The following PAK2 variants were observed in gnomAD, a reference collection of about 807,000 sequenced individuals.
The protein encoded by PAK2 is p21 (RAC1) activated kinase 2.
A neutral mutation model predicts 65.9 loss-of-function variants in PAK2; 21 were observed. The observed-to-expected ratio is 0.32, with a 90% confidence interval of 0.23 to 0.46. PAK2 has a LOEUF of 0.46. Among genes scored for constraint, PAK2 ranks in the 20% least tolerant of loss-of-function variants. PAK2 has a pLI of 1.00. For synonymous variants in PAK2, 204 were observed against 219.7 expected, an observed-to-expected ratio of 0.93 and a Z score of 0.63; for missense variants, 324 against 642.6, an observed-to-expected ratio of 0.50 and a Z score of 5.36.
At chr3:196,819,845 A>G (rs1054921079) in intron 12 of PAK2, among the ~76,000 whole-genome samples, 1 of 152,046 alleles carries the variant, frequency 6.6e-6, no homozygotes, top group Non-Finnish European at 1.5e-5. Flanking sequence ...TTTTATTCAA[A>G]AATAGTTTAC....
chr3:196,780,651 T>C (rs1714677105), intron 1 of PAK2, among the ~76,000 whole-genome samples: 1 of 152,198 alleles, frequency 6.6e-6, no homozygotes, highest in African/African-American at 2.4e-5. Flanking sequence ...CCTTTACCTT[T>C]TTTTATTCTT....
In PAK2 at chr3:196,829,970, G is replaced by C. The variant is rs1712014349; in HGVS notation, c.*1565G>C. ...CTTTATTCATTGTTTTGCTTTTGGA[G>C]TGGGTGTTGTTCAAGTATCTGTGGT... On this transcript the variant is annotated 3_prime_UTR_variant, in exon 15 of 15. Coordinates refer to ENST00000327134, the MANE Select transcript of PAK2 (RefSeq NM_002577.4). 1 of 151,122 alleles carries C rather than the reference G, an allele frequency of 6.6e-6. No homozygotes were observed. The highest frequency in any genetic ancestry group is 6.6e-5 in the Admixed American group (1 of 15,114). 9.4% of individuals were successfully genotyped at this position (151,122 alleles called of 1,614,324 possible). A position where few individuals can be genotyped will look rare whatever the true frequency, so the allele number is the denominator to read the frequency against.
At chr3:196,822,548 A>G (rs1032815290) in intron 13 of PAK2, among the ~76,000 whole-genome samples, 1 of 152,044 alleles carries the variant, frequency 6.6e-6, no homozygotes, top group Non-Finnish European at 1.5e-5. Context: ...AAATTAGCCA[A>G]GCATGTTAGT....
In PAK2 at chr3:196,761,751, C is replaced by A. The variant is rs1713973986; in HGVS notation, c.-21-20875C>A. Among the ~76,000 whole-genome samples the A allele has an allele frequency of 2.0e-5, 3 of 147,814 alleles. No individual in the cohort carries two copies. The South Asian group carries it at 6.5e-4, about 32-fold the overall frequency. ...GGGGCGGCCGGGCAGAGGCGCCCCTCACCTCCCGGACGGGGCGGCTGGCCG... is the reference window on the plus strand; with the variant it reads ...GGGGCGGCCGGGCAGAGGCGCCCCTAACCTCCCGGACGGGGCGGCTGGCCG... On this transcript the variant is annotated intron_variant, in intron 1 of 14. Coordinates refer to ENST00000327134, the MANE Select transcript of PAK2 (RefSeq NM_002577.4).
At chr3:196,808,557 C>CAAAA (rs1208200034) in intron 7 of PAK2, among the ~76,000 whole-genome samples, 2 of 56,566 alleles carry the variant, frequency 3.5e-5, no homozygotes, top group African/African-American at 1.3e-4. Flanking sequence ...GACTCCATCT[C>CAAAA]AAAAAAAAAA....
chr3:196,776,604 A>C (rs1265187348), intron 1 of PAK2, among the ~76,000 whole-genome samples: 1 of 152,178 alleles, frequency 6.6e-6, no homozygotes, highest in African/African-American at 2.4e-5. Context: ...TCAGCGCTTG[A>C]CTTACTCTGA....
At chr3:196,788,614 A>G (rs1714972495) in intron 2 of PAK2, among the ~76,000 whole-genome samples, 1 of 152,212 alleles carries the variant, frequency 6.6e-6, no homozygotes, top group African/African-American at 2.4e-5. Context: ...ATCTCAAACC[A>G]TGGTATAGAA....
At position 196,764,442 on chromosome 3, in the gene PAK2, G is replaced by A. The variant is rs59916518; in HGVS notation, c.-21-18184G>A. Among the ~76,000 whole-genome samples the A allele has an allele frequency of 5.4e-3, 823 of 151,578 alleles. 6 individuals are homozygous for A. Among genetic ancestry groups the A allele is most frequent in the African/African-American group, 0.019 (772 of 41,342 alleles). ...ACCAGCCTGGCCAACATGGTGTGAA[G>A]CCGCATCTCTACTAAAAATACAAAA... On this transcript the variant is annotated intron_variant, in intron 1 of 14. Coordinates refer to ENST00000327134, the MANE Select transcript of PAK2 (RefSeq NM_002577.4).
chr3:196,770,585 A>G (rs1313999569), intron 1 of PAK2, among the ~76,000 whole-genome samples: 4 of 151,906 alleles, frequency 2.6e-5, no homozygotes, highest in African/African-American at 4.8e-5. Context: ...TGTTTATTCA[A>G]TCCTGCAAGT....
chr3:196,771,223 C>T lies in PAK2; in HGVS notation c.-21-11403C>T, dbSNP rs373674846. 1.8e-4 allele frequency among the ~76,000 whole-genome samples: 27 copies of T among 152,166 alleles called. No individual in the cohort carries two copies. In the East Asian group the frequency reaches 3.5e-3, roughly 20 times the overall value. On this transcript the variant is annotated intron_variant, in intron 1 of 14. Transcript: ENST00000327134. ...TTGTCTCAACACACTGATGATACTC[C>T]ACTGTCTTCTTGCTTTCATTGTTGA... is the stretch of plus-strand genomic sequence containing the variant.
chr3:196,771,531 C>G (rs1233787037), intron 1 of PAK2, among the ~76,000 whole-genome samples: 2 of 152,012 alleles, frequency 1.3e-5, no homozygotes, highest in Non-Finnish European at 2.9e-5. Flanking sequence ...GTTAGACCAT[C>G]TAATCTACTC....
chr3:196,781,570 C>T (rs932423571), intron 1 of PAK2, among the ~76,000 whole-genome samples: 7 of 152,204 alleles, frequency 4.6e-5, no homozygotes, highest in African/African-American at 1.7e-4. Flanking sequence ...TATCCAGATT[C>T]GTCAAGCTCC....
chr3:196,826,013 GTT>G (rs55829279), intron 13 of PAK2, among the ~76,000 whole-genome samples: 2 of 150,034 alleles, frequency 1.3e-5, no homozygotes, highest in Non-Finnish European at 3.0e-5. Flanking sequence ...CCAGCTAATT[GTT>G]TTTTTTTTGT....
At chr3:196,780,982 G>C (rs1341348664) in intron 1 of PAK2, among the ~76,000 whole-genome samples, 1 of 152,052 alleles carries the variant, frequency 6.6e-6, no homozygotes, top group African/African-American at 2.4e-5. Context: ...TAGAGACGGG[G>C]TTTCACCATG....
intron 13 of PAK2, among the ~76,000 whole-genome samples, chr3:196,825,589 G>C (rs1418973245): frequency 6.6e-6 from 1 of 151,990 alleles, no homozygotes; most frequent in East Asian, 1.9e-4. Flanking sequence ...GTTGCATCGA[G>C]CTGAGATCGT....
intron 1 of PAK2, among the ~76,000 whole-genome samples, chr3:196,755,051 TGA>T (rs1713723551): frequency 6.6e-6 from 1 of 152,222 alleles, no homozygotes; most frequent in South Asian, 2.1e-4. Flanking sequence ...GCAGTACAGT[TGA>T]CCTTAAAGCT....
At chr3:196,748,058 T>C (rs545102293) in intron 1 of PAK2, among the ~76,000 whole-genome samples, 38 of 152,334 alleles carry the variant, frequency 2.5e-4, no homozygotes, top group South Asian at 2.1e-4. Context: ...TTCTTTAATA[T>C]ACTATTCTGT....
At position 196,809,693 on chromosome 3, in the gene PAK2, C is replaced by A. The variant is rs149184567; in HGVS notation, c.710-897C>A. On this transcript the variant is annotated intron_variant, in intron 7 of 14. Coordinates refer to ENST00000327134, the MANE Select transcript of PAK2 (RefSeq NM_002577.4). ...AATTAACTAGAATCCTAATTGTCAT[C>A]ATTTAGTTGTGACCTTTAGCTGTCA... Among the ~76,000 whole-genome samples, 1,068 of 151,204 alleles carry A rather than the reference C, an allele frequency of 7.1e-3. 10 individuals carry two copies. The highest frequency in any genetic ancestry group is 0.032 in the South Asian group (153 of 4,784).
chr3:196,807,891 A>G lies in PAK2; in HGVS notation c.686A>G (p.Asp229Gly). 6.3e-7 allele frequency: 1 copy of G among 1,593,696 alleles called. No homozygotes were observed. Among genetic ancestry groups the G allele is most frequent in the Non-Finnish European group, 8.6e-7 (1 of 1,161,782 alleles). Residue 229 changes from aspartate (D) to glycine (G), a missense_variant, in exon 7 of 15, where the codon GAT becomes GGT. Asp to Gly is a moderately conservative substitution (Grantham distance 94). Transcript: ENST00000327134. ...CAGAAAAAGAAGACTAAGATGACAGATGAAGAGATTATGGAGAAATTAAGT... is the reference window on the plus strand; with the variant it reads ...CAGAAAAAGAAGACTAAGATGACAGGTGAAGAGATTATGGAGAAATTAAGT... ...DKQKKKTKMT[D>G]EEIMEKLRTI...
Sources: allele counts gnomAD v4.1 joint callset (sites outside exome capture counted in the v4.1 genomes callset), GRCh38; gene constraint gnomAD v4.1.1; transcripts MANE v1.5; gene names NCBI Gene and HGNC (gene_info 2026-07-23, HGNC 2026-07-21).